COL4A3: variants seen among roughly 807,000 people sequenced by gnomAD.
The protein encoded by COL4A3 is collagen type IV alpha 3 chain, also known as collagen alpha-3(IV) chain.
A neutral mutation model predicts 217.4 loss-of-function variants in COL4A3; 135 were observed. That is an observed-to-expected ratio of 0.62 (90% CI 0.54 to 0.72). The LOEUF (loss-of-function observed/expected upper bound fraction) is 0.72. Ranked by LOEUF, COL4A3 falls within the 30% of genes least tolerant of loss-of-function variation. The pLI is 0.00. For synonymous variants in COL4A3, 690 were observed against 736.3 expected (o/e 0.94, Z 1.02); for missense variants, 1,868 against 2,119.9 (o/e 0.88, Z 2.33).
chr2:227,240,235 A>G lies in COL4A3; in HGVS notation c.234+3A>G. ...TGCCTGGACCGCAGGGACCCAAGGT[A>G]TGTCATCCTGCAAGCTTGGAAAATC... is the stretch of plus-strand genomic sequence containing the variant. On this transcript the variant is annotated splice_donor_region_variant and intron_variant, in intron 3 of 51. Coordinates refer to ENST00000396578, the MANE Select transcript of COL4A3 (RefSeq NM_000091.5). 1 of 1,607,148 alleles carries G rather than the reference A, an allele frequency of 6.2e-7. No homozygotes were observed. The highest frequency in any genetic ancestry group is 8.5e-7 in the Non-Finnish European group (1 of 1,176,826).
intron 1 of COL4A3, among the ~76,000 whole-genome samples, chr2:227,211,061 T>C (rs1269381824): frequency 2.0e-5 from 3 of 152,108 alleles, no homozygotes; most frequent in Non-Finnish European, 4.4e-5. Flanking sequence ...AGTGCAGTGG[T>C]GCAATCTCGG....
In COL4A3 at chr2:227,213,892, ACT is replaced by A. The variant is rs542329964; in HGVS notation, c.88-24073_88-24072del. Among the ~76,000 whole-genome samples, 46 of 127,244 alleles carry A rather than the reference ACT, an allele frequency of 3.6e-4. No individual in the cohort carries two copies. The South Asian group carries it at 8.8e-3, about 24-fold the overall frequency. 83.5% of individuals were successfully genotyped at this position (127,244 alleles called of 152,430 possible). ...ACACAAGCCCGGGCGACAGAGCAAA[ACT>A]CTGTCTCAAAAAAAAAAAAAAAAAA... On this transcript the variant is annotated intron_variant, in intron 1 of 51. Coordinates refer to ENST00000396578, the MANE Select transcript of COL4A3 (RefSeq NM_000091.5).
intron 4 of COL4A3, 48 bp from the exon 5 acceptor site, chr2:227,244,903 T>G: frequency 6.7e-7 from 1 of 1,487,458 alleles, no homozygotes; most frequent in South Asian, 1.2e-5. Context: ...TTGAACATTT[T>G]TAAAGTTTTT....
intron 46 of COL4A3, 140 bp from the exon 47 acceptor site, chr2:227,304,845 C>A: frequency 1.4e-6 from 1 of 715,190 alleles, no homozygotes; most frequent in Non-Finnish European, 2.5e-6. Flanking sequence ...ATCATCCTAG[C>A]TTGCCCAGGA....
At chr2:227,208,765 TACACACACACACACACACAC>T (rs60244094) in intron 1 of COL4A3, among the ~76,000 whole-genome samples, 2 of 138,490 alleles carry the variant, frequency 1.4e-5, no homozygotes, top group African/African-American at 5.4e-5. Context: ...GGCGGTTGGT[TACACACACACACACACACAC>T]ACACACACAC....
Position 227,263,893 on chromosome 2 carries a change from T to C in COL4A3, c.1264T>C (p.Cys422Arg). The change falls in exon 21 of 52, where the codon TGT (cysteine) becomes CGT (arginine). Residue 422 changes from cysteine (C) to arginine (R), a missense_variant. Transcript: ENST00000396578. ...CATGGGGACTCCTGGGTCCCCAGGTTGTGCTGGTTCACCAGGTCTTCCAGG... is the reference window on the plus strand; with the variant it reads ...CATGGGGACTCCTGGGTCCCCAGGTCGTGCTGGTTCACCAGGTCTTCCAGG... ...DAMGTPGSPGCAGSPGLPGSP... is the reference protein window; with the variant it reads ...DAMGTPGSPGRAGSPGLPGSP... 1 of 1,614,178 alleles carries C rather than the reference T, an allele frequency of 6.2e-7. No homozygotes were observed. The highest frequency in any genetic ancestry group is 8.5e-7 in the Non-Finnish European group (1 of 1,180,012).
At chr2:227,184,212 T>C (rs1170416109) in intron 1 of COL4A3, among the ~76,000 whole-genome samples, 1 of 152,116 alleles carries the variant, frequency 6.6e-6, no homozygotes, top group East Asian at 1.9e-4. Context: ...GATCAACAAA[T>C]GCAGACCAGC....
In COL4A3 at chr2:227,311,932, T is replaced by C; in HGVS notation, c.*62T>C. On this transcript the variant is annotated 3_prime_UTR_variant, in exon 52 of 52. Coordinates refer to ENST00000396578, the MANE Select transcript of COL4A3 (RefSeq NM_000091.5). ...TAAAGAACAAAGTAATGACAGAACATGCTGTTATTTAGGTATTTTTCTTTA... is the reference window on the plus strand; with the variant it reads ...TAAAGAACAAAGTAATGACAGAACACGCTGTTATTTAGGTATTTTTCTTTA... 6.2e-7 allele frequency: 1 copy of C among 1,602,150 alleles called. No homozygotes were observed. The highest frequency in any genetic ancestry group is 8.5e-7 in the Non-Finnish European group (1 of 1,173,016).
At chr2:227,173,583 C>A (rs1217463567) in intron 1 of COL4A3, among the ~76,000 whole-genome samples, 3 of 152,078 alleles carry the variant, frequency 2.0e-5, no homozygotes, top group Admixed American at 2.0e-4. Flanking sequence ...TACAAAACTT[C>A]GGGTAAACAT....
intron 43 of COL4A3, among the ~76,000 whole-genome samples, chr2:227,299,502 T>C (rs1450246750): frequency 6.6e-6 from 1 of 152,196 alleles, no homozygotes; most frequent in Admixed American, 6.5e-5. Context: ...CACTGGGTCC[T>C]TCCCAGGACA....
At chr2:227,297,205 G>GTGC (rs1407500975) in intron 41 of COL4A3, among the ~76,000 whole-genome samples, 5 of 152,180 alleles carry the variant, frequency 3.3e-5, no homozygotes, top group Non-Finnish European at 5.9e-5. Flanking sequence ...GCACACATCA[G>GTGC]TGCTACGCAG....
intron 38 of COL4A3, chr2:227,293,775 C>T (rs1202960624): frequency 4.2e-6 from 2 of 471,294 alleles, no homozygotes; most frequent in East Asian, 6.9e-5. Context: ...ATCAAGCTGT[C>T]GGCAGCGTTG....
At chr2:227,244,387 C>T (rs1322099691) in intron 4 of COL4A3, 23 bp downstream of exon 4, 1 of 1,610,194 alleles carries the variant, frequency 6.2e-7, no homozygotes, top group Non-Finnish European at 8.5e-7. Flanking sequence ...ACCAGTCCAC[C>T]CTGATCGTTA....
chr2:227,230,805 T>C (rs141880674), intron 1 of COL4A3, among the ~76,000 whole-genome samples: 1 of 152,198 alleles, frequency 6.6e-6, no homozygotes, highest in African/African-American at 2.4e-5. Context: ...TCCAAAAGTA[T>C]TCAAGTGCCC....
intron 37 of COL4A3, 120 bp downstream of exon 37, chr2:227,291,006 C>G (rs1339633689): frequency 1.7e-6 from 2 of 1,201,654 alleles, no homozygotes; most frequent in Non-Finnish European, 2.4e-6. Context: ...TACTTTCAGA[C>G]AGTTATTTGG....
chr2:227,277,609 C>A lies in COL4A3; in HGVS notation c.2125+56C>A. 3.0e-6 allele frequency: 3 copies of A among 992,220 alleles called. No individual in the cohort carries two copies. The South Asian group carries it at 4.2e-5, about 14-fold the overall frequency. The allele number at this position is 992,220 out of a possible 1,614,324, so 61.5% of individuals were successfully genotyped here. A position where few individuals can be genotyped will look rare whatever the true frequency, so the allele number is the denominator to read the frequency against. ...TTGTTGTGGATATTTAGAAGATGTT[C>A]ATATGTATAAATAAAATGAGTAAAA... On this transcript the variant is annotated intron_variant, in intron 28 of 51. Coordinates refer to ENST00000396578, the MANE Select transcript of COL4A3 (RefSeq NM_000091.5).
Position 227,293,245 on chromosome 2 carries a change from G to A in COL4A3, c.3265G>A (p.Gly1089Ser), listed in dbSNP as rs776095159. Residue 1089 changes from glycine (G) to serine (S), a missense_variant, in exon 38 of 52, where the codon GGC becomes AGC. Coordinates refer to ENST00000396578, the MANE Select transcript of COL4A3 (RefSeq NM_000091.5). ...AAAGAAAGGAGAAATGGGGCAACCT[G>A]GCCCACCTGGACATTTGGGGCCTGC... ...MGKKGEMGQP[G>S]PPGHLGPAGP... The A allele has an allele frequency of 1.2e-6, 2 of 1,613,802 alleles. No homozygotes were observed. Among genetic ancestry groups the A allele is most frequent in the Non-Finnish European group, 1.7e-6 (2 of 1,180,036 alleles).
In COL4A3 at chr2:227,259,831, A is replaced by G. The variant is rs1367379271; in HGVS notation, c.1068A>G (p.Glu356=). The G allele has an allele frequency of 6.2e-7, 1 of 1,613,834 alleles. No homozygotes were observed. The highest frequency in any genetic ancestry group is 2.2e-5 in the East Asian group (1 of 44,882). The part of the protein sequence containing the change: ...YYDTYQEKGD[E]GTPGPPGPRG... The stretch of plus-strand genomic sequence containing the variant: ...ACACATACCAGGAAAAGGGAGATGA[A>G]GGCACTCCAGGCCCACCAGGGCCCA... The change falls in exon 19 of 52, where the codon GAA becomes GAG. Residue 356 remains glutamate, a synonymous_variant. Transcript: ENST00000396578.
intron 43 of COL4A3, among the ~76,000 whole-genome samples, chr2:227,299,664 A>C (rs1203863559): frequency 2.0e-5 from 3 of 152,206 alleles, no homozygotes; most frequent in Non-Finnish European, 4.4e-5. Context: ...GGCAGCAAAA[A>C]TTTACAATTT....
Sources: gnomAD v4.1 joint callset for allele counts (sites outside exome capture counted in the v4.1 genomes callset) on GRCh38, gnomAD v4.1.1 for gene constraint, MANE v1.5 for transcripts, NCBI Gene and HGNC (gene_info 2026-07-23, HGNC 2026-07-21) for gene names.